Variants in OR1J2 observed in about 807,000 individuals in gnomAD.
OR1J2 encodes olfactory receptor 1J2.
For missense variants in OR1J2, 304 were observed against 246.1 expected (o/e 1.24, Z -1.57); for synonymous variants, 142 against 99.7 (o/e 1.42, Z -2.52).
At chr9:122,496,212 T>A in the OR1J2 span, among the ~76,000 whole-genome samples, 1 of 152,154 alleles carries the variant, frequency 6.6e-6, no homozygotes, top group Non-Finnish European at 1.5e-5. Context: ...GCTGCAGTCC[T>A]ATGGGGAGGA....
chr9:122,503,524 G>A, the OR1J2 span, among the ~76,000 whole-genome samples: 1 of 152,172 alleles, frequency 6.6e-6, no homozygotes, highest in Non-Finnish European at 1.5e-5. Context: ...CATTGGTGAA[G>A]GACAGAATGT....
At chr9:122,552,204 T>C in the OR1J2 span, among the ~76,000 whole-genome samples, 1 of 151,954 alleles carries the variant, frequency 6.6e-6, no homozygotes, top group Non-Finnish European at 1.5e-5. Context: ...AAAGAACAAA[T>C]GGAGGACTAA....
the OR1J2 span, among the ~76,000 whole-genome samples, chr9:122,520,487 G>A: frequency 1.3e-5 from 2 of 152,246 alleles, no homozygotes; most frequent in South Asian, 4.1e-4. Context: ...TGTTGTTGCT[G>A]ATGGTGGTGG....
chr9:122,553,698 A>T, the OR1J2 span: 3 of 1,614,068 alleles, frequency 1.9e-6, no homozygotes, highest in Non-Finnish European at 1.7e-6. Flanking sequence ...CCTGATGCAC[A>T]CACTGTTGCT....
the OR1J2 span, among the ~76,000 whole-genome samples, chr9:122,575,547 CTTAT>C: frequency 1.6e-3 from 236 of 152,078 alleles, 1 homozygote; most frequent in African/African-American, 5.4e-3. Flanking sequence ...GTGATGTTCC[CTTAT>C]TTATTTCTGA....
the OR1J2 span, among the ~76,000 whole-genome samples, chr9:122,478,354 C>T: frequency 6.6e-6 from 1 of 152,170 alleles, no homozygotes; most frequent in Non-Finnish European, 1.5e-5. Flanking sequence ...ACCGAAGTAT[C>T]TTGACTCCAT....
the OR1J2 span, among the ~76,000 whole-genome samples, chr9:122,496,491 A>G: frequency 6.6e-6 from 1 of 152,152 alleles, no homozygotes; most frequent in Non-Finnish European, 1.5e-5. Context: ...TCATACAGGT[A>G]TGAATCCCAA....
At chr9:122,476,867 G>C in the OR1J2 span, 1 of 621,734 alleles carries the variant, frequency 1.6e-6, no homozygotes, top group Admixed American at 2.8e-5. Context: ...CACCATGCCC[G>C]GCTAATTTTT....
chr9:122,497,312 T>C, the OR1J2 span, among the ~76,000 whole-genome samples: 1 of 152,184 alleles, frequency 6.6e-6, no homozygotes, highest in African/African-American at 2.4e-5. Flanking sequence ...GAGTGGGAGC[T>C]GCAAGTTAGT....
the OR1J2 span, among the ~76,000 whole-genome samples, chr9:122,458,721 A>T: frequency 6.6e-6 from 1 of 152,214 alleles, no homozygotes; most frequent in Admixed American, 6.5e-5. Context: ...GGGAGCTACA[A>T]TTCAAAATGA....
At chr9:122,509,873 A>C (rs1057382316), upstream of OR1J2, among the ~76,000 whole-genome samples, 6 of 152,226 alleles carry the variant, frequency 3.9e-5, no homozygotes, top group African/African-American at 1.4e-4. Flanking sequence ...AATTGATACA[A>C]TCCCTAATTT....
At chr9:122,551,678 AAG>A in the OR1J2 span, among the ~76,000 whole-genome samples, 1 of 152,128 alleles carries the variant, frequency 6.6e-6, no homozygotes, top group East Asian at 1.9e-4. Flanking sequence ...ACCCCTGGGA[AAG>A]AGAGGTCCTC....
the OR1J2 span, among the ~76,000 whole-genome samples, chr9:122,531,775 T>C: frequency 6.6e-6 from 1 of 152,198 alleles, no homozygotes; most frequent in Non-Finnish European, 1.5e-5. Context: ...TGATAAAGGC[T>C]GGTTTGTTAT....
chr9:122,495,009 G>C, the OR1J2 span, among the ~76,000 whole-genome samples: 1 of 152,156 alleles, frequency 6.6e-6, no homozygotes, highest in African/African-American at 2.4e-5. Context: ...CTAAAAATAG[G>C]ACCCTAATCC....
chr9:122,579,012 C>A, the OR1J2 span, among the ~76,000 whole-genome samples: 1 of 151,408 alleles, frequency 6.6e-6, no homozygotes, highest in South Asian at 2.1e-4. Context: ...CCAAACACCA[C>A]CTGTTCCCCA....
At chr9:122,479,439 G>A in the OR1J2 span, among the ~76,000 whole-genome samples, 1 of 152,172 alleles carries the variant, frequency 6.6e-6, no homozygotes, top group African/African-American at 2.4e-5. Flanking sequence ...GACATCAGAT[G>A]CTGTATTAGA....
chr9:122,558,311 CTTTTTTTTTTTT>C, the OR1J2 span, among the ~76,000 whole-genome samples: 2 of 34,472 alleles, frequency 5.8e-5, no homozygotes, highest in African/African-American at 1.2e-4. Flanking sequence ...TTGGATTTTG[CTTTTTTTTTTTT>C]TTTTTTTTTT....
At chr9:122,526,397 T>C in the OR1J2 span, 1 of 1,510,238 alleles carries the variant, frequency 6.6e-7, no homozygotes, top group Non-Finnish European at 8.8e-7. Flanking sequence ...AGAGCCTCTT[T>C]AGGGCCCCCT....
the OR1J2 span, among the ~76,000 whole-genome samples, chr9:122,462,754 A>C: frequency 5.3e-5 from 8 of 151,904 alleles, no homozygotes; most frequent in South Asian, 1.7e-3. Context: ...AGGACCCCAA[A>C]CTCTTCTAGC....
Sources: gnomAD v4.1 joint callset for allele counts (sites outside exome capture counted in the v4.1 genomes callset) on GRCh38, gnomAD v4.1.1 for gene constraint, MANE v1.5 for transcripts, NCBI Gene and HGNC (gene_info 2026-07-23, HGNC 2026-07-21) for gene names.